EPHA1: variants seen among roughly 807,000 people sequenced by gnomAD.
The protein encoded by EPHA1 is EPH receptor A1.
A neutral mutation model predicts 110.1 loss-of-function variants in EPHA1; 92 were observed. That is an observed-to-expected ratio of 0.84 (90% CI 0.71 to 0.99). EPHA1 has a LOEUF of 0.99. EPHA1 is among the 50% of genes least tolerant of loss of function. EPHA1 has a pLI of 0.00. For synonymous variants in EPHA1, 500 were observed against 516.1 expected, an observed-to-expected ratio of 0.97 and a Z score of 0.42; for missense variants, 1,204 against 1,285.4, an observed-to-expected ratio of 0.94 and a Z score of 0.97.
rs942205456 is a variant in EPHA1 at position 143,397,152 on chromosome 7, C to A, written c.1771+152G>T. 11 of 894,122 alleles carry A rather than the reference C, an allele frequency of 1.2e-5. No homozygotes were observed. The African/African-American group carries it at 1.8e-4, about 15-fold the overall frequency. 55.4% of individuals were successfully genotyped at this position (894,122 alleles called of 1,614,324 possible). On this transcript the variant is annotated intron_variant, in intron 10 of 17. Transcript: ENST00000275815. ...TAATTAGGTAGCAAAACACAAGAGC[C>A]CTGGGGACAACAAACCCCACATGTG...
Position 143,391,340 on chromosome 7 carries a change from C to G in EPHA1, c.*117G>C. The G allele has an allele frequency of 7.2e-6, 9 of 1,249,076 alleles. No individual in the cohort carries two copies. The highest frequency in any genetic ancestry group is 1.0e-5 in the Non-Finnish European group (9 of 888,088). The allele number at this position is 1,249,076 out of a possible 1,614,324, so 77.4% of individuals were successfully genotyped here. A position where few individuals can be genotyped will look rare whatever the true frequency, so the allele number is the denominator to read the frequency against. On this transcript the variant is annotated 3_prime_UTR_variant, in exon 18 of 18. Coordinates refer to ENST00000275815, the MANE Select transcript of EPHA1 (RefSeq NM_005232.5). ...GGGTTCTCCTGAAAGTGGGCAGAAGCAGCACCGATAGCCTAGTCTGGCAGG... is the reference window on the plus strand; with the variant it reads ...GGGTTCTCCTGAAAGTGGGCAGAAGGAGCACCGATAGCCTAGTCTGGCAGG...
At position 143,398,046 on chromosome 7, in the gene EPHA1, G is replaced by A. The variant is rs759180125; in HGVS notation, c.1489C>T (p.Leu497=). The change falls in exon 8 of 18, where the codon CTA becomes TTA. Residue 497 remains leucine, a synonymous_variant. Coordinates refer to ENST00000275815, the MANE Select transcript of EPHA1 (RefSeq NM_005232.5). ...NQDEERYQMV[L]EPRVLLTELQ... Reference sequence around the variant, plus strand: ...TCTGTCAGCAAGACCCTGGGTTCTAGAACCATCTGGTACCGTTCTTCATCC... The same window carrying A: ...TCTGTCAGCAAGACCCTGGGTTCTAAAACCATCTGGTACCGTTCTTCATCC... The A allele has an allele frequency of 6.2e-7, 1 of 1,614,160 alleles. No homozygotes were observed. The highest frequency in any genetic ancestry group is 8.5e-7 in the Non-Finnish European group (1 of 1,180,018).
chr7:143,400,755 A>G (rs1028993890), intron 3 of EPHA1: 2 of 155,042 alleles, frequency 1.3e-5, no homozygotes, highest in African/African-American at 4.8e-5. Context: ...AAAGCCTATA[A>G]AATAGATATA....
intron 1 of EPHA1, among the ~76,000 whole-genome samples, chr7:143,408,419 A>T (rs551022552): frequency 3.9e-5 from 6 of 152,170 alleles, no homozygotes; most frequent in Admixed American, 3.3e-4. Context: ...CTGGGAATGC[A>T]GGCAGGGGTG....
At position 143,397,406 on chromosome 7, in the gene EPHA1, C is replaced by A. The variant is rs771742971; in HGVS notation, c.1713-44G>T. On this transcript the variant is annotated intron_variant, in intron 9 of 17. Coordinates refer to ENST00000275815, the MANE Select transcript of EPHA1 (RefSeq NM_005232.5). Reference sequence around the variant, plus strand: ...AGCTCCTTCAGGGCCCCAGGACCACCTCAGGGGTCCGAGGGACTCTGGCTG... The same window carrying A: ...AGCTCCTTCAGGGCCCCAGGACCACATCAGGGGTCCGAGGGACTCTGGCTG... The A allele has an allele frequency of 3.9e-6, 6 of 1,548,826 alleles. No homozygotes were observed. The Admixed American group carries it at 1.2e-4, about 30-fold the overall frequency.
At chr7:143,398,569 G>A (rs748706437) in intron 6 of EPHA1, 32 bp downstream of exon 6, 1 of 1,607,704 alleles carries the variant, frequency 6.2e-7, no homozygotes, top group Non-Finnish European at 8.5e-7. Flanking sequence ...GTCTCCACCA[G>A]GTCCCTGTCC....
chr7:143,391,816 C>T (rs1805096249), intron 16 of EPHA1, 41 bp from the exon 17 acceptor site: 1 of 1,605,286 alleles, frequency 6.2e-7, no homozygotes, highest in African/African-American at 1.3e-5. Context: ...GGTACATGGG[C>T]TGATCTGGTT....
chr7:143,399,392 C>A lies in EPHA1; in HGVS notation c.857G>T (p.Arg286Leu). ...ACVACPSGSY[R>L]MDMDTPHCLT... ...ACAATGGGGTGTGTCCATGTCCATC[C>A]GGTAGGAGCCGCTAGGGCAGGCTGG... Residue 286 changes from arginine to leucine, a missense_variant, in exon 5 of 18, where the codon CGG becomes CTG. Transcript: ENST00000275815. 4 of 1,594,614 alleles carry A rather than the reference C, an allele frequency of 2.5e-6. No homozygotes were observed. The highest frequency in any genetic ancestry group is 2.2e-5 in the East Asian group (1 of 44,626).
chr7:143,401,421 C>G lies in EPHA1; in HGVS notation c.335G>C (p.Gly112Ala). The G allele has an allele frequency of 6.2e-7, 1 of 1,614,078 alleles. No individual in the cohort carries two copies. The highest frequency in any genetic ancestry group is 1.7e-5 in the Admixed American group (1 of 60,020). ...TVRDCKSFPG[G>A]AGPLGCKETF... ...CTCCTTGCAGCCCAGAGGCCCGGCT[C>G]CCCCAGGGAAACTCTTGCAGTCCCG... Residue 112 changes from glycine to alanine, a missense_variant, in exon 3 of 18, where the codon GGA (glycine) becomes GCA (alanine). By Grantham distance (60) the Gly-to-Ala change is moderately conservative. Coordinates refer to ENST00000275815, the MANE Select transcript of EPHA1 (RefSeq NM_005232.5). This position sits in a 1 kb window ranked among gnomAD's most constrained non-coding sequence, Gnocchi z 4.1.
Position 143,398,031 on chromosome 7 carries a change from A to G in EPHA1, c.1504T>C (p.Leu502=). 6.2e-7 allele frequency: 1 copy of G among 1,614,122 alleles called. No individual in the cohort carries two copies. Among genetic ancestry groups the G allele is most frequent in the East Asian group, 2.2e-5 (1 of 44,878 alleles). ...RYQMVLEPRV[L]LTELQPDTTY... is the part of the protein sequence containing the mutation. ...GTGTCAGGCTGCAGCTCTGTCAGCA[A>G]GACCCTGGGTTCTAGAACCATCTGG... Residue 502 remains leucine (L), a synonymous_variant, in exon 8 of 18, where the codon TTG becomes CTG. Transcript: ENST00000275815.
At chr7:143,402,821 A>G (rs1016478741) in intron 2 of EPHA1, among the ~76,000 whole-genome samples, 5 of 152,124 alleles carry the variant, frequency 3.3e-5, no homozygotes, top group African/African-American at 1.2e-4. Flanking sequence ...TCATGCCTTT[A>G]ATCATTATAC....
intron 2 of EPHA1, among the ~76,000 whole-genome samples, chr7:143,406,462 T>C (rs1012530593): frequency 1.3e-5 from 2 of 152,218 alleles, no homozygotes; most frequent in African/African-American, 2.4e-5. Flanking sequence ...ATAACCGTTA[T>C]AGTAAGCCAG....
intron 11 of EPHA1, 29 bp downstream of exon 11, chr7:143,396,356 G>A: frequency 1.9e-6 from 3 of 1,604,764 alleles, no homozygotes; most frequent in Non-Finnish European, 2.5e-6. Flanking sequence ...CATGGCGGGG[G>A]GCCTGCTGCG....
At chr7:143,399,025 C>T (rs1805342964) in intron 5 of EPHA1, 80 bp from the exon 6 acceptor site, 2 of 1,359,980 alleles carry the variant, frequency 1.5e-6, no homozygotes, top group Admixed American at 2.3e-5. Flanking sequence ...CACCACCACC[C>T]AATTCTCGAT....
chr7:143,399,967 CAG>C lies in EPHA1; in HGVS notation c.517_518del (p.Leu173GlyfsTer33). 4.3e-6 allele frequency: 7 copies of C among 1,613,838 alleles called. No individual in the cohort carries two copies. The highest frequency in any genetic ancestry group is 5.9e-6 in the Non-Finnish European group (7 of 1,179,888). ...SVKLNVERCS[L>X]GRLTRRGLYL... ...AGAGGCCACGGCGGGTCAGGCGGCC[CAG>C]AGAGCAGCGCTCCACATTCAGCTTC... On this transcript the variant is annotated frameshift_variant, in exon 4 of 18. Coordinates refer to ENST00000275815, the MANE Select transcript of EPHA1 (RefSeq NM_005232.5). LOFTEE classifies it high-confidence loss of function.
In EPHA1 at chr7:143,396,393, A is replaced by G. The variant is rs1476759571; in HGVS notation, c.1889T>C (p.Ile630Thr). 1 of 1,612,224 alleles carries G rather than the reference A, an allele frequency of 6.2e-7. No individual in the cohort carries two copies. The highest frequency in any genetic ancestry group is 1.3e-5 in the African/African-American group (1 of 74,996). The change falls in exon 11 of 18, where the codon ATA (isoleucine) becomes ACA (threonine). Residue 630 changes from isoleucine to threonine, a missense_variant. By Grantham distance (89) the Ile-to-Thr change is moderately conservative (BLOSUM62 -1). Transcript: ENST00000275815. ...TGCACAGCAGGACTCACCTTCTCCT[A>G]TGACAGTGTCCACCATCAGCCACGC... is the stretch of plus-strand genomic sequence containing the variant. ...DPAWLMVDTV[I>T]GEGEFGEVYR... is the part of the protein sequence containing the mutation.
chr7:143,400,056 G>C lies in EPHA1; in HGVS notation c.433-3C>G. On this transcript the variant is annotated splice_polypyrimidine_tract_variant and splice_region_variant and intron_variant, in intron 3 of 17. Coordinates refer to ENST00000275815, the MANE Select transcript of EPHA1 (RefSeq NM_005232.5). ...TGGTCTGCAGCCACCGTGGTTACCT[G>C]GGTAGAAGGTGGGGAAGAAAGGGGA... 6.3e-7 allele frequency: 1 copy of C among 1,588,728 alleles called. No homozygotes were observed. Among genetic ancestry groups the C allele is most frequent in the East Asian group, 2.3e-5 (1 of 44,424 alleles).
At chr7:143,399,522 G>C in intron 4 of EPHA1, 109 bp from the exon 5 acceptor site, 2 of 1,549,450 alleles carry the variant, frequency 1.3e-6, no homozygotes, top group Non-Finnish European at 1.7e-6. Flanking sequence ...CTCTGCATGT[G>C]TGTGTCCGCT....
chr7:143,407,725 G>A lies in EPHA1; in HGVS notation c.83-47C>T, dbSNP rs1805594597. Reference sequence around the variant, plus strand: ...GTCTGTCACCTCTGGGGGAGGAGGTGCCCCTGCAGCCCACATTAATCATTC... The same window carrying A: ...GTCTGTCACCTCTGGGGGAGGAGGTACCCCTGCAGCCCACATTAATCATTC... On this transcript the variant is annotated intron_variant, in intron 1 of 17. Coordinates refer to ENST00000275815, the MANE Select transcript of EPHA1 (RefSeq NM_005232.5). 3 of 1,533,664 alleles carry A rather than the reference G, an allele frequency of 2.0e-6. No homozygotes were observed. The African/African-American group carries it at 4.1e-5, about 21-fold the overall frequency.
Sources: allele counts gnomAD v4.1 joint callset (sites outside exome capture counted in the v4.1 genomes callset), GRCh38; gene constraint gnomAD v4.1.1; non-coding constraint Gnocchi (gnomAD v3.1); transcripts MANE v1.5; gene names NCBI Gene and HGNC (gene_info 2026-07-23, HGNC 2026-07-21).